Variants in GABRA4 observed in about 807,000 individuals in gnomAD.
The protein encoded by GABRA4 is gamma-aminobutyric acid type A receptor subunit alpha4.
In GABRA4, 12 loss-of-function variants were observed where a neutral mutation model predicts 49.7. That is an observed-to-expected ratio of 0.24 (90% CI 0.15 to 0.39). GABRA4 has a LOEUF of 0.39. Among genes scored for constraint, GABRA4 ranks in the 10% least tolerant of loss-of-function variants. The pLI is 1.00. For synonymous variants in GABRA4, 288 were observed against 240.2 expected (o/e 1.20, Z -1.84); for missense variants, 506 against 686.0 (o/e 0.74, Z 2.93).
At chr4:46,952,897 T>C (rs1201410591) in intron 8 of GABRA4, among the ~76,000 whole-genome samples, 1 of 151,008 alleles carries the variant, frequency 6.6e-6, no homozygotes, top group Non-Finnish European at 1.5e-5. Flanking sequence ...TAACAAAATT[T>C]CACCAATGGA....
At chr4:46,941,188 GCTCT>G (rs1468111777) in intron 8 of GABRA4, among the ~76,000 whole-genome samples, 3 of 151,804 alleles carry the variant, frequency 2.0e-5, no homozygotes, top group African/African-American at 7.3e-5. Flanking sequence ...AAGGAAATGT[GCTCT>G]CTATCAACTT....
At chr4:46,963,981 C>T (rs1577775022) in intron 8 of GABRA4, among the ~76,000 whole-genome samples, 1 of 151,772 alleles carries the variant, frequency 6.6e-6, no homozygotes, top group Non-Finnish European at 1.5e-5. Context: ...TCAGATCTGT[C>T]TACAATAGCT....
intron 8 of GABRA4, among the ~76,000 whole-genome samples, chr4:46,942,125 T>A (rs1369023623): frequency 6.6e-6 from 1 of 152,150 alleles, no homozygotes; most frequent in Admixed American, 6.6e-5. Flanking sequence ...AAATATTTAT[T>A]GAGTACCTAT....
In GABRA4 at chr4:46,926,958, A is replaced by G. The variant is rs559548528; in HGVS notation, c.*1267T>C. 9.2e-5 allele frequency: 14 copies of G among 151,896 alleles called. No individual in the cohort carries two copies. The highest frequency in any genetic ancestry group is 4.6e-4 in the Admixed American group (7 of 15,192). The allele number at this position is 151,896 out of a possible 1,614,324, so 9.4% of individuals were successfully genotyped here. A position where few individuals can be genotyped will look rare whatever the true frequency, so the allele number is the denominator to read the frequency against. ...TAAAAAAACTCCCAAAAAAACCAAC[A>G]TGATGACTGCCCAGAATTACAGAAC... On this transcript the variant is annotated 3_prime_UTR_variant, in exon 9 of 9. Transcript: ENST00000264318.
intron 8 of GABRA4, among the ~76,000 whole-genome samples, chr4:46,929,372 C>G (rs1302702815): frequency 6.6e-6 from 1 of 151,902 alleles, no homozygotes; most frequent in Non-Finnish European, 1.5e-5. Context: ...TTTTTCACTT[C>G]AATTAATGAT....
At chr4:46,971,270 T>C in intron 6 of GABRA4, 35 bp from the exon 7 acceptor site, 1 of 1,598,512 alleles carries the variant, frequency 6.3e-7, no homozygotes, top group Non-Finnish European at 8.6e-7. Context: ...GTGTTATCGG[T>C]TCTGCAGGCA....
intron 8 of GABRA4, among the ~76,000 whole-genome samples, chr4:46,943,531 G>A (rs538399802): frequency 4.9e-4 from 74 of 152,002 alleles, no homozygotes; most frequent in African/African-American, 1.7e-3. Flanking sequence ...TTTTTCAGCG[G>A]CACCTGATTG....
intron 8 of GABRA4, among the ~76,000 whole-genome samples, chr4:46,964,328 G>A (rs1412016203): frequency 6.6e-6 from 1 of 151,706 alleles, no homozygotes. Context: ...GTAATAGAAT[G>A]AATAAGACCT....
Position 46,977,517 on chromosome 4 carries a change from G to C in GABRA4, c.387C>G (p.Thr129=). Residue 129 remains threonine, a synonymous_variant, in exon 4 of 9, where the codon ACC becomes ACG. Coordinates refer to ENST00000264318, the MANE Select transcript of GABRA4 (RefSeq NM_000809.4). ...TTCCATTCCTGAAGAAAGTATCAGG[G>C]GTCCACACTTTCGTTACCATCATAT... ...LNNMMVTKVW[T]PDTFFRNGKK... is the part of the protein sequence containing the mutation. 1.2e-6 allele frequency: 2 copies of C among 1,610,266 alleles called. No individual in the cohort carries two copies. Among genetic ancestry groups the C allele is most frequent in the Non-Finnish European group, 1.7e-6 (2 of 1,176,988 alleles).
chr4:46,989,102 G>A (rs1209586106), intron 2 of GABRA4, among the ~76,000 whole-genome samples: 2 of 152,186 alleles, frequency 1.3e-5, no homozygotes, highest in Non-Finnish European at 2.9e-5. Flanking sequence ...ATGATTCAAA[G>A]GCAGTGATCT....
chr4:46,992,946 ACTG>A lies in GABRA4; in HGVS notation c.87-3_87-1del. The stretch of plus-strand genomic sequence containing the variant: ...GGTTCTGTCCTGGGGATTCGTTTAA[ACTG>A]CAAGCGAAAAAAAAAAAACCGGGGG... On this transcript the variant is annotated splice_acceptor_variant and splice_polypyrimidine_tract_variant and intron_variant, in intron 1 of 8. Transcript: ENST00000264318. LOFTEE classifies it high-confidence loss of function. 6.3e-7 allele frequency: 1 copy of A among 1,577,496 alleles called. No homozygotes were observed.
intron 7 of GABRA4, among the ~76,000 whole-genome samples, chr4:46,969,714 G>A (rs867880128): frequency 3.3e-5 from 5 of 151,604 alleles, no homozygotes; most frequent in Non-Finnish European, 5.9e-5. Context: ...AGGGTGAGAT[G>A]TATTATCATA....
At chr4:46,971,302 C>T (rs1252378139) in intron 6 of GABRA4, 67 bp from the exon 7 acceptor site, 3 of 1,401,818 alleles carry the variant, frequency 2.1e-6, no homozygotes, top group Non-Finnish European at 3.0e-6. Flanking sequence ...GCTTCATAAA[C>T]ATATTTCAGA....
At chr4:46,973,760 C>T (rs1424734310) in intron 6 of GABRA4, among the ~76,000 whole-genome samples, 1 of 151,630 alleles carries the variant, frequency 6.6e-6, no homozygotes. Flanking sequence ...ATGTGATAAC[C>T]TTAATGTATA....
chr4:46,946,279 T>G (rs1303244702), intron 8 of GABRA4, among the ~76,000 whole-genome samples: 1 of 152,148 alleles, frequency 6.6e-6, no homozygotes, highest in African/African-American at 2.4e-5. Context: ...CCAGCTATAT[T>G]GCAACCTTCA....
At chr4:46,941,147 A>C (rs1016935826) in intron 8 of GABRA4, among the ~76,000 whole-genome samples, 1 of 152,020 alleles carries the variant, frequency 6.6e-6, no homozygotes, top group African/African-American at 2.4e-5. Flanking sequence ...CAGGCCAGAA[A>C]CTAGAAGACC....
chr4:46,919,323 C>T lies in GABRA4; in HGVS notation c.*8902G>A, dbSNP rs935987149. The T allele has an allele frequency of 6.6e-6, 1 of 151,352 alleles. No individual in the cohort carries two copies. The highest frequency in any genetic ancestry group is 1.5e-5 in the Non-Finnish European group (1 of 67,504). 9.4% of individuals were successfully genotyped at this position (151,352 alleles called of 1,614,324 possible). A position where few individuals can be genotyped will look rare whatever the true frequency, so the allele number is the denominator to read the frequency against. ...ATTTGCAAAAACAAAATAATAATGA[C>T]TATGTGCTCCTCACTATAATATACC... On this transcript the variant is annotated 3_prime_UTR_variant, in exon 9 of 9. Transcript: ENST00000264318.
chr4:46,964,112 A>T (rs959008255), intron 8 of GABRA4, among the ~76,000 whole-genome samples: 1 of 151,946 alleles, frequency 6.6e-6, no homozygotes, highest in African/African-American at 2.4e-5. Context: ...ATTTGCTACA[A>T]CATGGATGGA....
In GABRA4 at chr4:46,927,814, A is replaced by G. The variant is rs1721281126; in HGVS notation, c.*411T>C. On this transcript the variant is annotated 3_prime_UTR_variant, in exon 9 of 9. Transcript: ENST00000264318. ...ATCACCAAAGGTCACTGCATATGACATCTAATAAACAATTCTGGTTAAGGG... is the reference window on the plus strand; with the variant it reads ...ATCACCAAAGGTCACTGCATATGACGTCTAATAAACAATTCTGGTTAAGGG... 6.1e-6 allele frequency: 1 copy of G among 163,598 alleles called. No individual in the cohort carries two copies. Among genetic ancestry groups the G allele is most frequent in the Non-Finnish European group, 1.3e-5 (1 of 75,058 alleles). 10.1% of individuals were successfully genotyped at this position (163,598 alleles called of 1,614,324 possible). A position where few individuals can be genotyped will look rare whatever the true frequency, so the allele number is the denominator to read the frequency against.
Sources: allele counts gnomAD v4.1 joint callset (sites outside exome capture counted in the v4.1 genomes callset), GRCh38; gene constraint gnomAD v4.1.1; transcripts MANE v1.5; gene names NCBI Gene and HGNC (gene_info 2026-07-23, HGNC 2026-07-21).